ARHGAP45: variants seen among roughly 807,000 people sequenced by gnomAD.
The protein encoded by ARHGAP45 is rho GTPase-activating protein 45.
Under a neutral mutation model 116.1 loss-of-function variants are expected in ARHGAP45, and 56 were observed. That is an observed-to-expected ratio of 0.48 (90% CI 0.39 to 0.60). The LOEUF is 0.60. Among genes scored for constraint, ARHGAP45 ranks in the 20% least tolerant of loss-of-function variants. ARHGAP45 has a pLI of 0.00. For missense variants in ARHGAP45, 1,622 were observed against 1,601.0 expected (o/e 1.01, Z -0.22); for synonymous variants, 866 against 701.7 (o/e 1.23, Z -3.70).
rs145380187 is a variant in ARHGAP45, at chr19:1,073,844, G to T, written c.723+98G>T. ...GACAGTCACCCTGCTTCCCCTGTGCGCCTTGGTTTCCCTCTCTGGGGGAGG... is the reference window on the plus strand; with the variant it reads ...GACAGTCACCCTGCTTCCCCTGTGCTCCTTGGTTTCCCTCTCTGGGGGAGG... On this transcript the variant is annotated intron_variant, in intron 5 of 22. Transcript: ENST00000313093. 3.2e-5 allele frequency: 49 copies of T among 1,531,912 alleles called. No individual in the cohort carries two copies. In the African/African-American group the frequency reaches 5.5e-4, roughly 17 times the overall value. 94.9% of individuals were successfully genotyped at this position (1,531,912 alleles called of 1,614,324 possible).
chr19:1,066,233 G>A (rs1325246002), upstream of ARHGAP45: 8 of 1,313,604 alleles, frequency 6.1e-6, no homozygotes, highest in East Asian at 5.6e-5. Context: ...GTTCTGGAAG[G>A]GGACAGCAGG....
chr19:1,074,957 G>A, intron 10 of ARHGAP45, 78 bp downstream of exon 10: 1 of 1,278,450 alleles, frequency 7.8e-7, no homozygotes, highest in Non-Finnish European at 1.0e-6. Context: ...CAGCCCCATA[G>A]CGAGGGCCCT....
intron 1 of ARHGAP45, 79 bp downstream of exon 1, chr19:1,067,574 T>C: frequency 7.3e-7 from 1 of 1,361,928 alleles, no homozygotes; most frequent in South Asian, 1.2e-5. Context: ...TCGGGGCTCA[T>C]GCTGGGGCGG....
intron 19 of ARHGAP45, chr19:1,082,378 T>C (rs1330483069): frequency 3.8e-6 from 1 of 265,510 alleles, no homozygotes; most frequent in Non-Finnish European, 6.9e-6. Context: ...GGGCTGAGGC[T>C]AGACAAGTGC....
chr19:1,085,510 T>TCCAGCTCTCCTGTCTCTCC, intron 22 of ARHGAP45, 150 bp from the exon 23 acceptor site: 1 of 543,726 alleles, frequency 1.8e-6, no homozygotes, highest in Non-Finnish European at 3.3e-6. Flanking sequence ...TTGTCTCTCC[T>TCCAGCTCTCCTGTCTCTCC]CCATCTCTCC....
At chr19:1,070,638 C>T (rs2043123245) in intron 2 of ARHGAP45, among the ~76,000 whole-genome samples, 1 of 151,868 alleles carries the variant, frequency 6.6e-6, no homozygotes, top group Non-Finnish European at 1.5e-5. Context: ...TGAGCCATCG[C>T]GCCCGGCCAG....
Position 1,068,315 on chromosome 19 carries a change from G to A in ARHGAP45, c.91-99G>A. The A allele has an allele frequency of 4.6e-6, 5 of 1,095,644 alleles. No individual in the cohort carries two copies. Among genetic ancestry groups the A allele is most frequent in the Non-Finnish European group, 6.4e-6 (5 of 784,690 alleles). 67.9% of individuals were successfully genotyped at this position (1,095,644 alleles called of 1,614,324 possible). On this transcript the variant is annotated intron_variant, in intron 1 of 22. Coordinates refer to ENST00000313093, the MANE Select transcript of ARHGAP45 (RefSeq NM_012292.5). This position sits in a 1 kb window ranked among gnomAD's most constrained non-coding sequence, Gnocchi z 7.5. ...CCTTTGACCCCTGTGGGGTCAGGGT[G>A]ATGGTGGCCCTCCACAGCCCCACTT...
chr19:1,081,152 T>A, intron 17 of ARHGAP45, 88 bp downstream of exon 17: 2 of 1,415,376 alleles, frequency 1.4e-6, no homozygotes, highest in Admixed American at 4.5e-5. Context: ...CTCAGGAATG[T>A]CCGGCCCAGA....
intron 19 of ARHGAP45, among the ~76,000 whole-genome samples, 159 bp downstream of exon 19, chr19:1,082,120 C>A (rs1363105487): frequency 6.9e-6 from 1 of 144,786 alleles, no homozygotes; most frequent in Non-Finnish European, 1.5e-5. Context: ...CAGTGCCTGG[C>A]AGGGCAGGGC....
At chr19:1,077,083 G>A in intron 10 of ARHGAP45, 14 of 985,320 alleles carry the variant, frequency 1.4e-5, no homozygotes, top group Non-Finnish European at 1.7e-5. Context: ...GATGGTGCAG[G>A]TTGTGAGGTG....
At chr19:1,084,122 C>T (rs904092687) in intron 21 of ARHGAP45, 116 bp from the exon 22 acceptor site, 30 of 946,886 alleles carry the variant, frequency 3.2e-5, no homozygotes, top group South Asian at 5.4e-5. Context: ...GAGGACAGAC[C>T]GCCTGGGCAA....
intron 8 of ARHGAP45, 94 bp from the exon 9 acceptor site, chr19:1,074,520 G>C (rs2043200519): frequency 7.1e-7 from 1 of 1,399,504 alleles, no homozygotes; most frequent in Non-Finnish European, 9.6e-7. Flanking sequence ...ATTAACGGGG[G>C]TGGCTGCAGG....
intron 19 of ARHGAP45, 82 bp downstream of exon 19, chr19:1,082,043 T>G: frequency 9.4e-7 from 1 of 1,060,848 alleles, no homozygotes; most frequent in South Asian, 1.7e-5. Context: ...GTCCGGGAGC[T>G]GGAGCAGGAC....
chr19:1,078,092 C>A (rs1336786432), intron 11 of ARHGAP45, 47 bp downstream of exon 11: 1 of 1,519,870 alleles, frequency 6.6e-7, no homozygotes, highest in East Asian at 2.5e-5. Context: ...AGGAGGAGAT[C>A]CAATGCTTGG....
chr19:1,084,200 G>T (rs774997961), intron 21 of ARHGAP45, 38 bp from the exon 22 acceptor site: 2 of 1,566,210 alleles, frequency 1.3e-6, no homozygotes, highest in African/African-American at 2.7e-5. Context: ...GGAAAATGGA[G>T]CCCCGGCCCC....
rs923781597 is a variant in ARHGAP45 at position 1,085,809 on chromosome 19, A to C, written c.3214A>C (p.Ser1072Arg). The C allele has an allele frequency of 2.5e-6, 4 of 1,612,804 alleles. No homozygotes were observed. The highest frequency in any genetic ancestry group is 1.7e-6 in the Non-Finnish European group (2 of 1,179,896). Residue 1072 changes from serine (S) to arginine (R), a missense_variant, in exon 23 of 23, where the codon AGC (serine) becomes CGC (arginine). Coordinates refer to ENST00000313093, the MANE Select transcript of ARHGAP45 (RefSeq NM_012292.5). ...CCTAGAGGTGGCTTCTGGCAGCCAC[A>C]GCGGCAGTGAGGAGCAGCTGGAGGC... ...ASLEVASGSHSGSEEQLEATA... is the reference protein window; with the variant it reads ...ASLEVASGSHRGSEEQLEATA...
intron 8 of ARHGAP45, 57 bp downstream of exon 8, chr19:1,074,464 C>T (rs2043199757): frequency 4.1e-6 from 6 of 1,451,642 alleles, no homozygotes; most frequent in Admixed American, 2.6e-5. Flanking sequence ...GAGTCTCAGC[C>T]CCATTTCAAG....
At position 1,083,300 on chromosome 19, in the gene ARHGAP45, G is replaced by C; in HGVS notation, c.2902G>C (p.Val968Leu). 1.3e-6 allele frequency: 2 copies of C among 1,578,106 alleles called. No homozygotes were observed. The highest frequency in any genetic ancestry group is 1.7e-6 in the Non-Finnish European group (2 of 1,161,922). ...HQARVIETLI[V>L]HYGLVFEEEP... ...GGCCCGCGTCATCGAGACTCTCATCGTCCACTACGGCCTGGTCTTCGAGGA... is the reference window on the plus strand; with the variant it reads ...GGCCCGCGTCATCGAGACTCTCATCCTCCACTACGGCCTGGTCTTCGAGGA... Residue 968 changes from valine to leucine, a missense_variant, in exon 21 of 23, where the codon GTC becomes CTC. Physicochemically the swap from Val to Leu is conservative, Grantham distance 32. Around this residue, in one of 3 missense-constraint regions of ARHGAP45, gnomAD observed 1,334 missense variants for 1,263.8 expected, o/e 1.06. Transcript: ENST00000313093.
rs747329541 is a variant in ARHGAP45 at position 1,078,003 on chromosome 19, C to G, written c.1332C>G (p.Thr444=). 3.9e-6 allele frequency: 6 copies of G among 1,554,728 alleles called. No homozygotes were observed. Among genetic ancestry groups the G allele is most frequent in the Non-Finnish European group, 5.2e-6 (6 of 1,147,940 alleles). ...APGAGSTATK[T]LDKRRRLEEE... ...GAGCAGGCAGCACGGCCACCAAGAC[C>G]CTGGACAAGCGGCGGCGGCTGGAGG... Residue 444 remains threonine, a synonymous_variant, in exon 11 of 23, where the codon ACC becomes ACG. Coordinates refer to ENST00000313093, the MANE Select transcript of ARHGAP45 (RefSeq NM_012292.5).
Sources: allele counts gnomAD v4.1 joint callset (sites outside exome capture counted in the v4.1 genomes callset), GRCh38; gene constraint gnomAD v4.1.1; regional missense constraint gnomAD v4.1.1; non-coding constraint Gnocchi (gnomAD v3.1); transcripts MANE v1.5; gene names NCBI Gene and HGNC (gene_info 2026-07-23, HGNC 2026-07-21).